Variants in SLC39A11 observed in about 807,000 individuals in gnomAD.
The protein encoded by SLC39A11 is solute carrier family 39 member 11.
Under a neutral mutation model 36.1 loss-of-function variants are expected in SLC39A11, and 33 were observed. The ratio of observed to expected loss-of-function variants is 0.91; its 90% CI spans 0.69 to 1.22. SLC39A11 has a LOEUF of 1.22. Ranked by LOEUF, SLC39A11 falls within the 50% of genes most tolerant of loss-of-function variation. The pLI is 0.00. For missense variants in SLC39A11, 432 were observed against 430.3 expected (o/e 1.00, Z -0.03); for synonymous variants, 166 against 170.3 (o/e 0.97, Z 0.20).
chr17:72,999,667 T>G (rs1197114939), intron 4 of SLC39A11, among the ~76,000 whole-genome samples: 3 of 152,226 alleles, frequency 2.0e-5, no homozygotes, highest in East Asian at 1.9e-4. Context: ...GTCCATTTCC[T>G]GCTGTGGTGA....
intron 5 of SLC39A11, among the ~76,000 whole-genome samples, chr17:72,928,532 A>T (rs1183097705): frequency 6.6e-6 from 1 of 152,202 alleles, no homozygotes. Flanking sequence ...AAGAAAACAG[A>T]GCAGTGGGTG....
intron 5 of SLC39A11, among the ~76,000 whole-genome samples, chr17:72,929,860 T>C (rs2084275654): frequency 6.6e-6 from 1 of 152,172 alleles, no homozygotes; most frequent in South Asian, 2.1e-4. Context: ...CATCGCTGTG[T>C]TAAATGTATG....
At chr17:72,966,324 C>T (rs2466511) in intron 4 of SLC39A11, among the ~76,000 whole-genome samples, 126,156 of 152,254 alleles carry the variant, frequency 0.83, 53,874 homozygotes, top group South Asian at 0.93. Context: ...CAGGCTCTTT[C>T]GGGTGTGGGC....
chr17:72,763,452 C>T (rs575340607), intron 6 of SLC39A11, among the ~76,000 whole-genome samples: 76 of 152,288 alleles, frequency 5.0e-4, no homozygotes, highest in African/African-American at 1.8e-3. Context: ...GCAAAGACAC[C>T]TGTATAATTT....
intron 5 of SLC39A11, among the ~76,000 whole-genome samples, chr17:72,890,496 C>T (rs1484752293): frequency 6.6e-6 from 1 of 152,062 alleles, no homozygotes; most frequent in Admixed American, 6.6e-5. Flanking sequence ...AGGTTCCTGG[C>T]TTGAGTGACT....
intron 4 of SLC39A11, among the ~76,000 whole-genome samples, chr17:72,969,439 A>G (rs1200445242): frequency 6.6e-6 from 1 of 152,044 alleles, no homozygotes; most frequent in African/African-American, 2.4e-5. Context: ...GCCCCTGGGG[A>G]CAAAAACCAA....
rs143038273 is a variant in SLC39A11 at position 72,963,361 on chromosome 17, G to A, written c.307-15486C>T. The stretch of plus-strand genomic sequence containing the variant: ...AATTTTTTGTATTTTTAGTAGAGAC[G>A]GGGTTTCACCGTGTTAGCCAGGATG... On this transcript the variant is annotated intron_variant, in intron 4 of 9. Coordinates refer to ENST00000255559, the MANE Select transcript of SLC39A11 (RefSeq NM_139177.4). Among the ~76,000 whole-genome samples, 435 of 151,722 alleles carry A rather than the reference G, an allele frequency of 2.9e-3. 1 individual carries two copies. Among genetic ancestry groups the A allele is most frequent in the African/African-American group, 8.7e-3 (359 of 41,356 alleles).
intron 5 of SLC39A11, among the ~76,000 whole-genome samples, chr17:72,872,821 C>T (rs2080707123): frequency 6.6e-6 from 1 of 152,032 alleles, no homozygotes. Flanking sequence ...CTTTGGGAGG[C>T]TGAGGCAGGT....
chr17:72,918,826 G>C lies in SLC39A11; in HGVS notation c.430+28926C>G, dbSNP rs924428523. Among the ~76,000 whole-genome samples the C allele has an allele frequency of 6.4e-4, 97 of 152,166 alleles. 1 individual carries two copies. The highest frequency in any genetic ancestry group is 3.2e-3 in the Middle Eastern group (1 of 316). ...AGCTTGTAATCCCAGCACTTTGGGG[G>C]TTGAGGTGGGTAGATCACTTGAGGT... is the stretch of plus-strand genomic sequence containing the variant. On this transcript the variant is annotated intron_variant, in intron 5 of 9. Transcript: ENST00000255559.
rs8079757 is a variant in SLC39A11, at chr17:73,031,694, A to G, written c.168T>C (p.Tyr56=). Residue 56 remains tyrosine (Y), a synonymous_variant, in exon 4 of 10, where the codon TAT becomes TAC. Transcript: ENST00000255559. ...CAACTGCTGGGGCCAGAAGAGACCA[A>G]TAGGAAGCTGCCAACATGACCTACA... is the stretch of plus-strand genomic sequence containing the variant. ...FAAGVMLAAS[Y]WSLLAPAVEM... is the part of the protein sequence containing the mutation. 0.041 allele frequency: 65,392 copies of G among 1,613,714 alleles called. 7,666 individuals carry two copies. Among genetic ancestry groups the G allele is most frequent in the African/African-American group, 0.4 (29,712 of 74,924 alleles).
At chr17:72,810,084 C>CAAAAAAAAAAAAAA (rs10708067) in intron 6 of SLC39A11, among the ~76,000 whole-genome samples, 4 of 136,708 alleles carry the variant, frequency 2.9e-5, no homozygotes, top group Non-Finnish European at 3.2e-5. Context: ...ACAAAAACAA[C>CAAAAAAAAAAAAAA]AAAAAAAAAA....
intron 6 of SLC39A11, among the ~76,000 whole-genome samples, chr17:72,781,656 T>C (rs775507159): frequency 2.7e-4 from 41 of 152,260 alleles, no homozygotes; most frequent in Admixed American, 1.4e-3. Flanking sequence ...CCTGACCTCA[T>C]GTTCTGCTCA....
chr17:72,948,678 A>G (rs2085613900), intron 4 of SLC39A11, among the ~76,000 whole-genome samples: 1 of 152,232 alleles, frequency 6.6e-6, no homozygotes, highest in African/African-American at 2.4e-5. Flanking sequence ...GTCATTCTTC[A>G]GCTTTGTCCT....
At chr17:73,078,525 T>C (rs1316681536) in intron 3 of SLC39A11, among the ~76,000 whole-genome samples, 3 of 151,814 alleles carry the variant, frequency 2.0e-5, no homozygotes, top group African/African-American at 7.3e-5. Flanking sequence ...CTCACTCTGT[T>C]GCCCAGGCTG....
intron 5 of SLC39A11, among the ~76,000 whole-genome samples, chr17:72,883,579 A>C (rs916110932): frequency 6.6e-6 from 1 of 151,366 alleles, no homozygotes; most frequent in Non-Finnish European, 1.5e-5. Flanking sequence ...CTCCCGGTGG[A>C]TTGTGTCTGA....
chr17:72,977,491 G>A (rs934309791), intron 4 of SLC39A11, among the ~76,000 whole-genome samples: 4 of 152,250 alleles, frequency 2.6e-5, no homozygotes, highest in East Asian at 3.9e-4. Context: ...GAAAAGGAGC[G>A]TGTCCCCAGG....
At chr17:72,654,813 C>T (rs539409706) in intron 7 of SLC39A11, among the ~76,000 whole-genome samples, 11 of 152,342 alleles carry the variant, frequency 7.2e-5, no homozygotes, top group African/African-American at 2.2e-4. Flanking sequence ...GCAGAGTGAC[C>T]AGCCCAATGT....
chr17:72,912,059 G>A (rs575021023), intron 5 of SLC39A11, among the ~76,000 whole-genome samples: 12 of 152,264 alleles, frequency 7.9e-5, no homozygotes, highest in East Asian at 5.8e-4. Context: ...GGGCATTGGT[G>A]CTGCAGGCAT....
chr17:72,821,145 T>C (rs2077762398), intron 6 of SLC39A11, among the ~76,000 whole-genome samples: 5 of 150,496 alleles, frequency 3.3e-5, no homozygotes. Context: ...TTAATTACGT[T>C]AGAATGAGAT....
Sources: gnomAD v4.1 joint callset for allele counts (sites outside exome capture counted in the v4.1 genomes callset) on GRCh38, gnomAD v4.1.1 for gene constraint, MANE v1.5 for transcripts, NCBI Gene and HGNC (gene_info 2026-07-23, HGNC 2026-07-21) for gene names.